Variants in LOXL2 observed in about 807,000 individuals in gnomAD.
LOXL2 encodes the protein lysyl oxidase like 2.
A neutral mutation model predicts 93.0 loss-of-function variants in LOXL2; 70 were observed. The observed-to-expected ratio is 0.75, with a 90% CI of 0.62 to 0.92. The LOEUF (loss-of-function observed/expected upper bound fraction) is 0.92. Ranked by LOEUF, LOXL2 falls within the 40% of genes least tolerant of loss-of-function variation. LOXL2 has a pLI of 0.00. For missense variants in LOXL2, 973 were observed against 1,054.9 expected (o/e 0.92, Z 1.08); for synonymous variants, 438 against 413.2 (o/e 1.06, Z -0.73).
intron 3 of LOXL2, among the ~76,000 whole-genome samples, chr8:23,342,710 C>T (rs1287794076): frequency 1.3e-5 from 2 of 152,184 alleles, no homozygotes; most frequent in African/African-American, 2.4e-5. Flanking sequence ...GGATTACAGG[C>T]ATGAGCCACC....
At chr8:23,332,639 CCA>C (rs1378809229) in intron 5 of LOXL2, among the ~76,000 whole-genome samples, 5 of 130,726 alleles carry the variant, frequency 3.8e-5, no homozygotes, top group Admixed American at 1.5e-4. Context: ...TCATACACAC[CCA>C]CACTCACACG....
chr8:23,348,458 C>G (rs1478354411), intron 3 of LOXL2, among the ~76,000 whole-genome samples: 1 of 151,652 alleles, frequency 6.6e-6, no homozygotes. Context: ...AGTCCTAGCT[C>G]CCAGGAGGCT....
intron 1 of LOXL2, among the ~76,000 whole-genome samples, 180 bp from the exon 2 acceptor site, chr8:23,368,614 C>CT (rs1439970770): frequency 6.6e-6 from 1 of 152,238 alleles, no homozygotes; most frequent in Admixed American, 6.5e-5. Flanking sequence ...CCTTTACCTA[C>CT]TGCCTTGTCA....
Position 23,298,037 on chromosome 8 carries a change from G to C in LOXL2, c.*6C>G, listed in dbSNP as rs371848726. On this transcript the variant is annotated 3_prime_UTR_variant, in exon 14 of 14. Coordinates refer to ENST00000389131, the MANE Select transcript of LOXL2 (RefSeq NM_002318.3). The stretch of plus-strand genomic sequence containing the variant: ...CTGAAGACAGGAGTTGACCACGCAG[G>C]CTTCTTTACTGCGGGGACAGCTGGT... 1.2e-6 allele frequency: 2 copies of C among 1,612,614 alleles called. No individual in the cohort carries two copies. Among genetic ancestry groups the C allele is most frequent in the Admixed American group, 1.7e-5 (1 of 59,970 alleles).
intron 1 of LOXL2, among the ~76,000 whole-genome samples, chr8:23,371,795 AGCGCAGCACGAAAGGCAG>A (rs1228976140): frequency 6.7e-6 from 1 of 148,536 alleles, no homozygotes; most frequent in Non-Finnish European, 1.5e-5. Context: ...ATGCATGGCA[AGCGCAGCACGAAAGGCAG>A]GAAGGCATTA....
intron 1 of LOXL2, among the ~76,000 whole-genome samples, chr8:23,396,074 A>T (rs1800086328): frequency 6.6e-6 from 1 of 152,186 alleles, no homozygotes; most frequent in Non-Finnish European, 1.5e-5. Context: ...CTGTAATTCC[A>T]GCACTTTGGG....
chr8:23,342,472 C>T (rs1266107594), intron 3 of LOXL2, among the ~76,000 whole-genome samples: 18 of 150,856 alleles, frequency 1.2e-4, no homozygotes, highest in African/African-American at 3.9e-4. Flanking sequence ...CGCTCTGTCG[C>T]CCAGGCTGGA....
chr8:23,367,929 A>AC, intron 2 of LOXL2, 68 bp downstream of exon 2: 1 of 1,300,152 alleles, frequency 7.7e-7, no homozygotes, highest in Non-Finnish European at 1.1e-6. Flanking sequence ...TCCCAGGCTG[A>AC]CCTCAGGGAA....
At chr8:23,310,583 G>T (rs1254810462) in intron 9 of LOXL2, among the ~76,000 whole-genome samples, 1 of 152,152 alleles carries the variant, frequency 6.6e-6, no homozygotes, top group African/African-American at 2.4e-5. Context: ...TCACTTACAA[G>T]CTGTGATAAA....
chr8:23,358,873 GCT>G (rs1804242046), intron 3 of LOXL2, among the ~76,000 whole-genome samples: 1 of 140,874 alleles, frequency 7.1e-6, no homozygotes, highest in Admixed American at 7.6e-5. Context: ...AGACAGTCTC[GCT>G]CTGTCACCCA....
chr8:23,340,936 C>T (rs755279107), intron 4 of LOXL2, 56 bp downstream of exon 4: 1 of 1,490,988 alleles, frequency 6.7e-7, no homozygotes, highest in Non-Finnish European at 9.4e-7. Context: ...ACACTTTTAA[C>T]TCTTTTAGGC....
chr8:23,352,389 A>G (rs1455478455), intron 3 of LOXL2, among the ~76,000 whole-genome samples: 1 of 152,146 alleles, frequency 6.6e-6, no homozygotes, highest in African/African-American at 2.4e-5. Context: ...ACTATCTTCT[A>G]AACTGCACAG....
At chr8:23,320,523 A>T (rs1803476913) in intron 7 of LOXL2, among the ~76,000 whole-genome samples, 1 of 152,146 alleles carries the variant, frequency 6.6e-6, no homozygotes, top group Non-Finnish European at 1.5e-5. Flanking sequence ...TGACAACCCC[A>T]CTTGGTATCT....
At chr8:23,380,352 C>T (rs374175323) in intron 1 of LOXL2, among the ~76,000 whole-genome samples, 1 of 140,604 alleles carries the variant, frequency 7.1e-6, no homozygotes, top group East Asian at 2.1e-4. Context: ...GAGATCATGC[C>T]ACTGCACTCC....
chr8:23,303,519 G>T, intron 10 of LOXL2, 122 bp from the exon 11 acceptor site: 1 of 645,194 alleles, frequency 1.5e-6, no homozygotes. Context: ...GGCCGGGTGG[G>T]GAGAGGAGTG....
intron 3 of LOXL2, 69 bp from the exon 4 acceptor site, chr8:23,341,272 A>G: frequency 1.5e-6 from 2 of 1,302,378 alleles, no homozygotes; most frequent in Non-Finnish European, 2.2e-6. Context: ...CCAGGCAACC[A>G]GTACTTCTTT....
intron 4 of LOXL2, among the ~76,000 whole-genome samples, chr8:23,338,282 C>T (rs993001353): frequency 6.7e-6 from 1 of 149,846 alleles, no homozygotes; most frequent in African/African-American, 2.5e-5. Context: ...GGGACACAGC[C>T]AAACCGTATC....
intron 1 of LOXL2, among the ~76,000 whole-genome samples, chr8:23,402,045 C>CACAT (rs1272161363): frequency 6.6e-6 from 1 of 151,910 alleles, no homozygotes; most frequent in East Asian, 1.9e-4. Context: ...TGCGTGCACA[C>CACAT]ACATACACAC....
chr8:23,300,730 C>T (rs1803115771), intron 12 of LOXL2, among the ~76,000 whole-genome samples: 1 of 152,078 alleles, frequency 6.6e-6, no homozygotes, highest in South Asian at 2.1e-4. Context: ...TGATGATGCC[C>T]CTTCCTTGGG....
Sources: allele counts gnomAD v4.1 joint callset (sites outside exome capture counted in the v4.1 genomes callset), GRCh38; gene constraint gnomAD v4.1.1; transcripts MANE v1.5; gene names NCBI Gene and HGNC (gene_info 2026-07-23, HGNC 2026-07-21).